The following UST variants were observed in gnomAD, a reference collection of about 807,000 sequenced individuals.
UST encodes the protein uronyl 2-sulfotransferase.
In UST, 21 loss-of-function variants were observed where a neutral mutation model predicts 45.6. That is an observed-to-expected ratio of 0.46 (90% CI 0.33 to 0.66). UST has a LOEUF of 0.66. UST is among the 30% of genes least tolerant of loss of function. The pLI is 0.02. For synonymous variants in UST, 215 were observed against 200.6 expected, an observed-to-expected ratio of 1.07 and a Z score of -0.61; for missense variants, 463 against 512.4, an observed-to-expected ratio of 0.90 and a Z score of 0.93.
chr6:148,783,107 C>A (rs1776673852), intron 1 of UST, among the ~76,000 whole-genome samples: 1 of 152,178 alleles, frequency 6.6e-6, no homozygotes, highest in South Asian at 2.1e-4. Flanking sequence ...CGAGACAAGA[C>A]CCTCCTCCAG....
intron 7 of UST, among the ~76,000 whole-genome samples, chr6:149,073,278 T>A (rs572949576): frequency 6.6e-6 from 1 of 152,224 alleles, no homozygotes; most frequent in South Asian, 2.1e-4. Context: ...CTACAAAAAA[T>A]AAAAATAAAT....
At chr6:148,824,656 G>C (rs1303231701) in intron 1 of UST, among the ~76,000 whole-genome samples, 1 of 149,052 alleles carries the variant, frequency 6.7e-6, no homozygotes, top group Non-Finnish European at 1.5e-5. Context: ...TTCAATGGGG[G>C]TAGATGGTAT....
intron 2 of UST, among the ~76,000 whole-genome samples, chr6:148,920,437 C>T (rs1312475536): frequency 6.6e-6 from 1 of 152,198 alleles, no homozygotes; most frequent in Non-Finnish European, 1.5e-5. Flanking sequence ...TCACCCTCTT[C>T]TGATGCCCTG....
chr6:149,008,353 C>T (rs2500536), intron 5 of UST, among the ~76,000 whole-genome samples: 1 of 151,946 alleles, frequency 6.6e-6, no homozygotes, highest in African/African-American at 2.4e-5. Context: ...ATTTTATTTC[C>T]GTTTCTCCAT....
At chr6:148,895,403 A>G (rs1451062104) in intron 2 of UST, among the ~76,000 whole-genome samples, 1 of 152,244 alleles carries the variant, frequency 6.6e-6, no homozygotes, top group Non-Finnish European at 1.5e-5. Flanking sequence ...GCCACACAAC[A>G]GAGGGACATG....
intron 1 of UST, among the ~76,000 whole-genome samples, chr6:148,882,896 T>G (rs1778849208): frequency 6.6e-6 from 1 of 152,244 alleles, no homozygotes; most frequent in African/African-American, 2.4e-5. Flanking sequence ...TCTAGATCCT[T>G]CTACAGAATA....
chr6:148,860,221 C>G (rs973425659), intron 1 of UST, among the ~76,000 whole-genome samples: 1 of 152,050 alleles, frequency 6.6e-6, no homozygotes, highest in African/African-American at 2.4e-5. Context: ...ATCACTTGTA[C>G]GTTGGATTCC....
At chr6:148,781,577 G>T (rs1306235536) in intron 1 of UST, among the ~76,000 whole-genome samples, 3 of 150,858 alleles carry the variant, frequency 2.0e-5, no homozygotes, top group Admixed American at 2.0e-4. Flanking sequence ...ATCTAGCTAG[G>T]ATCATTGTTG....
chr6:148,963,227 C>T (rs556112983), intron 4 of UST, among the ~76,000 whole-genome samples: 27 of 152,254 alleles, frequency 1.8e-4, no homozygotes, highest in Middle Eastern at 6.8e-3. Context: ...GAGGCAGGAG[C>T]GGGGTCCTGT....
chr6:148,798,463 C>G (rs1015358391), intron 1 of UST, among the ~76,000 whole-genome samples: 5 of 152,096 alleles, frequency 3.3e-5, no homozygotes, highest in African/African-American at 9.7e-5. Flanking sequence ...AGATCACGCT[C>G]TCAGGAGCAT....
chr6:148,774,270 T>TTATATATA (rs10568450), intron 1 of UST, among the ~76,000 whole-genome samples: 64 of 127,824 alleles, frequency 5.0e-4, no homozygotes, highest in African/African-American at 1.7e-3. Context: ...CAAGGTTATT[T>TTATATATA]TATATATATA....
chr6:148,817,774 A>G (rs1175717363), intron 1 of UST, among the ~76,000 whole-genome samples: 2 of 152,196 alleles, frequency 1.3e-5, no homozygotes, highest in Non-Finnish European at 1.5e-5. Context: ...CTGTGTTGAG[A>G]TGAATGCTGG....
At chr6:148,877,534 A>C (rs1290760300) in intron 1 of UST, among the ~76,000 whole-genome samples, 1 of 56,434 alleles carries the variant, frequency 1.8e-5, no homozygotes, top group Non-Finnish European at 3.3e-5. Context: ...GGGGCAGGGG[A>C]TCGTGTTTGA....
At chr6:148,788,237 G>C (rs1011007320) in intron 1 of UST, among the ~76,000 whole-genome samples, 18 of 152,070 alleles carry the variant, frequency 1.2e-4, no homozygotes, top group Middle Eastern at 3.2e-3. Context: ...AGATTCAATT[G>C]TCTCCCTCTG....
At chr6:148,966,716 G>A (rs936728247) in intron 5 of UST, among the ~76,000 whole-genome samples, 1 of 152,150 alleles carries the variant, frequency 6.6e-6, no homozygotes, top group African/African-American at 2.4e-5. Context: ...AAAAAATTAT[G>A]GTTTGGAGTT....
At chr6:148,776,060 A>AT (rs1402967583) in intron 1 of UST, among the ~76,000 whole-genome samples, 3 of 152,158 alleles carry the variant, frequency 2.0e-5, no homozygotes, top group Non-Finnish European at 4.4e-5. Flanking sequence ...TATTTTCTGC[A>AT]TTTTTTAAAG....
chr6:148,901,108 T>A (rs184845966), intron 2 of UST, among the ~76,000 whole-genome samples: 56 of 152,304 alleles, frequency 3.7e-4, no homozygotes, highest in African/African-American at 1.3e-3. Context: ...GGTAACATAT[T>A]CACAGAATTT....
intron 2 of UST, among the ~76,000 whole-genome samples, chr6:148,927,330 T>C (rs1039543492): frequency 6.6e-6 from 1 of 152,144 alleles, no homozygotes; most frequent in African/African-American, 2.4e-5. Flanking sequence ...AAAAAACAAT[T>C]ATATAAACCA....
intron 1 of UST, among the ~76,000 whole-genome samples, chr6:148,768,614 A>G (rs748172143): frequency 1.9e-4 from 29 of 152,104 alleles, no homozygotes; most frequent in Non-Finnish European, 3.2e-4. Context: ...TCCCATTGGC[A>G]TTTATTTTGG....
Sources: gnomAD v4.1 joint callset for allele counts (sites outside exome capture counted in the v4.1 genomes callset) on GRCh38, gnomAD v4.1.1 for gene constraint, MANE v1.5 for transcripts, NCBI Gene and HGNC (gene_info 2026-07-23, HGNC 2026-07-21) for gene names.